Variants in UNC5C observed in about 807,000 individuals in gnomAD.
The protein encoded by UNC5C is netrin receptor UNC5C.
A neutral mutation model predicts 99.8 loss-of-function variants in UNC5C; 47 were observed. The ratio of observed to expected loss-of-function variants is 0.47; its 90% CI spans 0.37 to 0.60. The LOEUF (loss-of-function observed/expected upper bound fraction) is 0.60, where lower values mean the gene tolerates loss of function less well. UNC5C is among the 20% of genes least tolerant of loss of function. The pLI, the probability that UNC5C is intolerant of heterozygous loss-of-function variation, is 0.00. For missense variants in UNC5C, 1,062 were observed against 1,165.9 expected (o/e 0.91, Z 1.30); for synonymous variants, 487 against 452.2 (o/e 1.08, Z -0.98).
intron 11 of UNC5C, among the ~76,000 whole-genome samples, chr4:95,206,253 C>T (rs1014553159): frequency 2.2e-4 from 33 of 151,888 alleles, no homozygotes; most frequent in African/African-American, 7.7e-4. Flanking sequence ...CCTGCATTGG[C>T]CTCCCAAAGT....
chr4:95,268,343 C>A (rs1740529389), intron 4 of UNC5C, among the ~76,000 whole-genome samples: 1 of 152,160 alleles, frequency 6.6e-6, no homozygotes, highest in Admixed American at 6.5e-5. Flanking sequence ...TAAACAACAT[C>A]CCTGCATTTT....
At chr4:95,177,224 C>CT (rs1736400005) in intron 14 of UNC5C, among the ~76,000 whole-genome samples, 1 of 152,204 alleles carries the variant, frequency 6.6e-6, no homozygotes, top group African/African-American at 2.4e-5. Context: ...ACACTGGGAG[C>CT]TGTAGACTGG....
intron 7 of UNC5C, among the ~76,000 whole-genome samples, chr4:95,231,164 G>A (rs761724933): frequency 6.6e-5 from 10 of 152,054 alleles, no homozygotes; most frequent in Non-Finnish European, 1.5e-4. Flanking sequence ...TTAAAACCTT[G>A]TCTTTACATT....
intron 1 of UNC5C, among the ~76,000 whole-genome samples, chr4:95,355,688 G>C (rs1455101541): frequency 1.3e-5 from 2 of 151,880 alleles, no homozygotes; most frequent in Non-Finnish European, 2.9e-5. Flanking sequence ...ACCCAGCCAT[G>C]GTGGAAGTAC....
At chr4:95,341,507 G>GAGAA (rs10660525) in intron 1 of UNC5C, among the ~76,000 whole-genome samples, 13 of 144,806 alleles carry the variant, frequency 9.0e-5, no homozygotes, top group South Asian at 2.2e-4. Flanking sequence ...AAGAAAGAGA[G>GAGAA]AGAAAGAAAG....
rs181575390 is a variant in UNC5C, at chr4:95,230,364, T to G, written c.1109-10188A>C. On this transcript the variant is annotated intron_variant, in intron 7 of 15. Transcript: ENST00000453304. The stretch of plus-strand genomic sequence containing the variant: ...TTAGCCCTTTGTCAGATGGATAGAT[T>G]GCAAAAATTTTCTCCCATTCTGTAG... Among the ~76,000 whole-genome samples, 1,333 of 152,298 alleles carry G rather than the reference T, an allele frequency of 8.8e-3. 18 individuals carry two copies. The highest frequency in any genetic ancestry group is 0.031 in the Middle Eastern group (9 of 294).
chr4:95,454,073 C>T (rs553950205), intron 1 of UNC5C, among the ~76,000 whole-genome samples: 1 of 152,088 alleles, frequency 6.6e-6, no homozygotes, highest in South Asian at 2.1e-4. Flanking sequence ...AGTTTCAAAA[C>T]TAGATGGGGT....
chr4:95,363,916 G>C (rs1210947868), intron 1 of UNC5C, among the ~76,000 whole-genome samples: 1 of 152,096 alleles, frequency 6.6e-6, no homozygotes, highest in South Asian at 2.1e-4. Flanking sequence ...CACACTTCTG[G>C]GGGAAGCAAT....
intron 1 of UNC5C, among the ~76,000 whole-genome samples, chr4:95,519,231 G>A (rs1247149024): frequency 1.3e-5 from 2 of 152,008 alleles, no homozygotes; most frequent in Non-Finnish European, 2.9e-5. Flanking sequence ...TGACATCTGA[G>A]GCCCATTCAG....
intron 4 of UNC5C, among the ~76,000 whole-genome samples, chr4:95,269,368 A>G (rs944384027): frequency 3.3e-5 from 5 of 152,170 alleles, no homozygotes; most frequent in Non-Finnish European, 7.3e-5. Context: ...GGCTCACTGC[A>G]GCTGTGGCTT....
chr4:95,514,376 T>A (rs1451470142), intron 1 of UNC5C, among the ~76,000 whole-genome samples: 1 of 152,078 alleles, frequency 6.6e-6, no homozygotes, highest in Non-Finnish European at 1.5e-5. Context: ...GTGGGTGAAC[T>A]TGGTATGCTT....
At chr4:95,546,931 C>G (rs573597935) in intron 1 of UNC5C, among the ~76,000 whole-genome samples, 1 of 152,110 alleles carries the variant, frequency 6.6e-6, no homozygotes, top group Non-Finnish European at 1.5e-5. Context: ...GTGCCCCGTC[C>G]CCCTCTCCCG....
At chr4:95,427,535 T>C (rs4277782) in intron 1 of UNC5C, among the ~76,000 whole-genome samples, 120,318 of 152,172 alleles carry the variant, frequency 0.79, 48,080 homozygotes, top group East Asian at 0.9. Flanking sequence ...GATTAGTCAG[T>C]AGCCATCAAC....
Position 95,364,245 on chromosome 4 carries a change from T to C in UNC5C, c.125-28614A>G, listed in dbSNP as rs1744485903. ...CAGAACATGTGACTCCACCAACAAC[T>C]GCACAAGCTACATCATTGTGTCTGG... On this transcript the variant is annotated intron_variant, in intron 1 of 15. Coordinates refer to ENST00000453304, the MANE Select transcript of UNC5C (RefSeq NM_003728.4). Among the ~76,000 whole-genome samples the C allele has an allele frequency of 2.0e-5, 3 of 152,158 alleles. 1 individual carries two copies. Among genetic ancestry groups the C allele is most frequent in the Admixed American group, 2.0e-4 (3 of 15,262 alleles).
At position 95,502,003 on chromosome 4, in the gene UNC5C, G is replaced by T. The variant is rs564022361; in HGVS notation, c.124+46731C>A. Among the ~76,000 whole-genome samples, 4 of 152,242 alleles carry T rather than the reference G, an allele frequency of 2.6e-5. No homozygotes were observed. In the East Asian group the frequency reaches 7.7e-4, roughly 29 times the overall value. On this transcript the variant is annotated intron_variant, in intron 1 of 15. Coordinates refer to ENST00000453304, the MANE Select transcript of UNC5C (RefSeq NM_003728.4). ...CCCTTAGTGTTATGTTGACAAATCA[G>T]CCTCTGAAGAAGTGACCACTGTTTT...
At chr4:95,219,389 C>T (rs1738382354) in intron 8 of UNC5C, 76 bp from the exon 9 acceptor site, 3 of 1,431,348 alleles carry the variant, frequency 2.1e-6, no homozygotes, top group Admixed American at 2.0e-5. Flanking sequence ...CTCCCCCTCA[C>T]ACTTTCTGAG....
intron 1 of UNC5C, among the ~76,000 whole-genome samples, chr4:95,513,193 T>A (rs2149487993): frequency 6.6e-6 from 1 of 152,326 alleles, no homozygotes; most frequent in Middle Eastern, 3.4e-3. Context: ...TGCAATTATA[T>A]GGCAGGAAAC....
chr4:95,336,934 G>T (rs185684877), intron 1 of UNC5C, among the ~76,000 whole-genome samples: 20 of 151,984 alleles, frequency 1.3e-4, no homozygotes, highest in Non-Finnish European at 2.4e-4. Context: ...GAATAACCTT[G>T]TTTCCATCAA....
intron 1 of UNC5C, among the ~76,000 whole-genome samples, chr4:95,413,866 T>C (rs933418878): frequency 6.6e-6 from 1 of 152,192 alleles, no homozygotes; most frequent in African/African-American, 2.4e-5. Context: ...TCAAATTAGC[T>C]GCAGAACAGC....
Sources: gnomAD v4.1 joint callset for allele counts (sites outside exome capture counted in the v4.1 genomes callset) on GRCh38, gnomAD v4.1.1 for gene constraint, MANE v1.5 for transcripts, NCBI Gene and HGNC (gene_info 2026-07-23, HGNC 2026-07-21) for gene names.